Variants in AP1B1 observed in about 807,000 individuals in gnomAD.
The protein encoded by AP1B1 is AP-1 complex subunit beta-1.
In AP1B1, 36 loss-of-function variants were observed where a neutral mutation model predicts 104.3. That is an observed-to-expected ratio of 0.35 (90% confidence interval 0.26 to 0.46). The LOEUF (loss-of-function observed/expected upper bound fraction) is 0.46. Ranked by LOEUF, AP1B1 falls within the 20% of genes least tolerant of loss-of-function variation. AP1B1 has a pLI of 1.00. For missense variants in AP1B1, 901 were observed against 1,247.9 expected (o/e 0.72, Z 4.19); for synonymous variants, 504 against 517.5 (o/e 0.97, Z 0.35).
Position 29,350,154 on chromosome 22 carries a change from C to A in AP1B1, c.1156-4G>T. 6.2e-7 allele frequency: 1 copy of A among 1,613,312 alleles called. No individual in the cohort carries two copies. The highest frequency in any genetic ancestry group is 8.5e-7 in the Non-Finnish European group (1 of 1,179,370). On this transcript the variant is annotated splice_region_variant and splice_polypyrimidine_tract_variant and intron_variant, in intron 9 of 22. Coordinates refer to ENST00000357586, the MANE Select transcript of AP1B1 (RefSeq NM_001127.4). ...TCACACAGCGCTCCGCAGATTGCTG[C>A]ATGGGAAGAGAAGAGTGTGGGCGAG... is the stretch of plus-strand genomic sequence containing the variant.
At chr22:29,365,146 G>C (rs2062114124) in intron 2 of AP1B1, among the ~76,000 whole-genome samples, 1 of 152,168 alleles carries the variant, frequency 6.6e-6, no homozygotes, top group South Asian at 2.1e-4. Flanking sequence ...AGCCAATGCT[G>C]GTAGGGGGCA....
intron 11 of AP1B1, among the ~76,000 whole-genome samples, chr22:29,348,012 G>A (rs1379900215): frequency 6.6e-6 from 1 of 152,252 alleles, no homozygotes; most frequent in African/African-American, 2.4e-5. Flanking sequence ...CTTTGCAGGT[G>A]TTGGTAACAG....
At position 29,355,001 on chromosome 22, in the gene AP1B1, C is replaced by T. The variant is rs185288716; in HGVS notation, c.717-130G>A. ...CTGTAATCCCAGCACTTTGGGAGGC[C>T]GAGGTGGGTGGATCACTTGAGGTCA... On this transcript the variant is annotated intron_variant, in intron 6 of 22. Transcript: ENST00000357586. The T allele has an allele frequency of 7.7e-3, 5,864 of 756,794 alleles. 41 individuals carry two copies. Among genetic ancestry groups the T allele is most frequent in the Non-Finnish European group, 8.8e-3 (4,148 of 473,878 alleles). 46.9% of individuals were successfully genotyped at this position (756,794 alleles called of 1,614,324 possible).
chr22:29,343,429 A>T (rs1364298156), intron 11 of AP1B1, among the ~76,000 whole-genome samples: 1 of 152,222 alleles, frequency 6.6e-6, no homozygotes, highest in Non-Finnish European at 1.5e-5. Context: ...GTGGTCCTCC[A>T]ATTCTGGGGT....
intron 7 of AP1B1, among the ~76,000 whole-genome samples, chr22:29,353,505 G>A (rs1458294187): frequency 2.0e-5 from 3 of 152,270 alleles, no homozygotes; most frequent in South Asian, 2.1e-4. Context: ...TCACTACGCC[G>A]CATTAAATCC....
Position 29,369,610 on chromosome 22 carries a change from A to G in AP1B1, c.-27-2340T>C, listed in dbSNP as rs564541845. Among the ~76,000 whole-genome samples the G allele has an allele frequency of 1.3e-4, 20 of 152,316 alleles. 2 individuals are homozygous for G. The highest frequency in any genetic ancestry group is 4.8e-4 in the African/African-American group (20 of 41,572). On this transcript the variant is annotated intron_variant, in intron 1 of 22. Transcript: ENST00000357586. Reference sequence around the variant, plus strand: ...CAGCATGAGTCATGGCTGTAGACAGATCCACAAAGGAAGGCCCCGCATGCG... The same window carrying G: ...CAGCATGAGTCATGGCTGTAGACAGGTCCACAAAGGAAGGCCCCGCATGCG...
chr22:29,349,491 A>T, intron 10 of AP1B1, 108 bp from the exon 11 acceptor site: 1 of 1,181,692 alleles, frequency 8.5e-7, no homozygotes, highest in Non-Finnish European at 1.2e-6. Context: ...TAAGACCCCA[A>T]GGTGGCAGGT....
At chr22:29,387,085 T>G (rs150306570) in intron 1 of AP1B1, among the ~76,000 whole-genome samples, 10 of 152,324 alleles carry the variant, frequency 6.6e-5, no homozygotes, top group African/African-American at 2.4e-4. Flanking sequence ...CTCGACAATC[T>G]TCAAATAGTT....
At position 29,387,494 on chromosome 22, in the gene AP1B1, G is replaced by A. The variant is rs184438457; in HGVS notation, c.-28+930C>T. 1.3e-5 allele frequency among the ~76,000 whole-genome samples: 2 copies of A among 151,916 alleles called. 1 individual carries two copies. Among genetic ancestry groups the A allele is most frequent in the Non-Finnish European group, 2.9e-5 (2 of 67,930 alleles). On this transcript the variant is annotated intron_variant, in intron 1 of 22. Transcript: ENST00000357586. ...GGCTAATTTTTGTATTTTTATTGGAGACAGGGTTTCACCATGTTGGTCAGG... is the reference window on the plus strand; with the variant it reads ...GGCTAATTTTTGTATTTTTATTGGAAACAGGGTTTCACCATGTTGGTCAGG...
intron 1 of AP1B1, among the ~76,000 whole-genome samples, chr22:29,379,789 G>GA (rs2062408565): frequency 6.6e-6 from 1 of 152,182 alleles, no homozygotes; most frequent in Non-Finnish European, 1.5e-5. Context: ...GATGCACCAC[G>GA]AAATTGCCAA....
At chr22:29,359,751 CG>C (rs1569160719) in intron 4 of AP1B1, 72 bp downstream of exon 4, 4 of 1,541,782 alleles carry the variant, frequency 2.6e-6, no homozygotes, top group East Asian at 4.6e-5. Flanking sequence ...CACAGGGCCC[CG>C]CCCCAAAGAG....
rs1054391530 is a variant in AP1B1 at position 29,335,513 on chromosome 22, G to T, written c.2164-1103C>A. 1.4e-4 allele frequency among the ~76,000 whole-genome samples: 21 copies of T among 152,020 alleles called. No individual in the cohort carries two copies. The South Asian group carries it at 4.1e-3, about 30-fold the overall frequency. ...GCCTCCATTTCTCTCCATCTCCAGA[G>T]GTGCCACCAGCATCTAAGCTGCCAC... On this transcript the variant is annotated intron_variant, in intron 16 of 22. Coordinates refer to ENST00000357586, the MANE Select transcript of AP1B1 (RefSeq NM_001127.4).
chr22:29,356,397 G>C (rs748159682), intron 6 of AP1B1, 29 bp downstream of exon 6: 10 of 1,590,912 alleles, frequency 6.3e-6, no homozygotes, highest in South Asian at 2.3e-5. Context: ...CCTCAAGCTG[G>C]GCTGGCAAGC....
chr22:29,360,600 G>A (rs138410726), intron 3 of AP1B1, among the ~76,000 whole-genome samples: 1 of 152,172 alleles, frequency 6.6e-6, no homozygotes, highest in East Asian at 1.9e-4. Flanking sequence ...GGTGCTAAGA[G>A]CTTTACATGC....
Position 29,331,884 on chromosome 22 carries a change from A to C in AP1B1, c.2342T>G (p.Val781Gly). The change falls in exon 18 of 23, where the codon GTC (valine) becomes GGC (glycine). Residue 781 changes from valine to glycine, a missense_variant. Physicochemically the swap from Val to Gly is moderately radical, Grantham distance 109. Coordinates refer to ENST00000357586, the MANE Select transcript of AP1B1 (RefSeq NM_001127.4). ...FGLAPAAPLQ[V>G]HAPLSPNQTV... Reference sequence around the variant, plus strand: ...CTGGTTGGGGCTGAGTGGCGCGTGGACCTGGAGGGGGGCGGCGGGGGCCAG... The same window carrying C: ...CTGGTTGGGGCTGAGTGGCGCGTGGCCCTGGAGGGGGGCGGCGGGGGCCAG... The C allele has an allele frequency of 6.2e-7, 1 of 1,612,534 alleles. No individual in the cohort carries two copies. The highest frequency in any genetic ancestry group is 8.5e-7 in the Non-Finnish European group (1 of 1,179,134).
intron 19 of AP1B1, 43 bp downstream of exon 19, chr22:29,331,406 C>T: frequency 1.3e-6 from 2 of 1,597,994 alleles, no homozygotes; most frequent in Non-Finnish European, 1.7e-6. Context: ...TCCCAAGCCA[C>T]AGCCCCATTT....
intron 8 of AP1B1, 136 bp downstream of exon 8, chr22:29,351,569 C>T: frequency 1.7e-6 from 2 of 1,206,068 alleles, no homozygotes; most frequent in African/African-American, 1.5e-5. Context: ...TACGAAGCCC[C>T]ATGTCCCATG....
intron 17 of AP1B1, chr22:29,333,043 C>T (rs116875766): frequency 6.5e-6 from 1 of 152,984 alleles, no homozygotes; most frequent in Non-Finnish European, 1.5e-5. Context: ...ACCATTGGAA[C>T]CACCTCTCGG....
rs2061879669 is a variant in AP1B1 at position 29,351,810 on chromosome 22, C to T, written c.954G>A (p.Lys318=). The stretch of plus-strand genomic sequence containing the variant: ...TCACGAAGAACACCTTCATCTCATG[C>T]TTCAGGATCTCAGGCCTGGTGGTGG... The part of the protein sequence containing the change: ...LIVQKRPEIL[K]HEMKVFFVKY... The change falls in exon 8 of 23, where the codon AAG becomes AAA. Residue 318 remains lysine (K), a synonymous_variant. Transcript: ENST00000357586. The T allele has an allele frequency of 6.2e-7, 1 of 1,614,226 alleles. No homozygotes were observed. The highest frequency in any genetic ancestry group is 8.5e-7 in the Non-Finnish European group (1 of 1,180,036).
Sources: gnomAD v4.1 joint callset for allele counts (sites outside exome capture counted in the v4.1 genomes callset) on GRCh38, gnomAD v4.1.1 for gene constraint, MANE v1.5 for transcripts, NCBI Gene and HGNC (gene_info 2026-07-23, HGNC 2026-07-21) for gene names.